Variants in CHST11 observed in about 807,000 individuals in gnomAD.
CHST11 encodes the protein carbohydrate sulfotransferase 11.
A neutral mutation model predicts 30.4 loss-of-function variants in CHST11; 9 were observed. The observed-to-expected ratio is 0.30, with a 90% CI of 0.18 to 0.52. CHST11 has a LOEUF of 0.52. Ranked by LOEUF, CHST11 falls within the 20% of genes least tolerant of loss-of-function variation. The pLI, the probability that CHST11 is intolerant of heterozygous loss-of-function variation, is 0.97. For missense variants in CHST11, 348 were observed against 460.6 expected (o/e 0.76, Z 2.24); for synonymous variants, 152 against 187.8 (o/e 0.81, Z 1.56).
chr12:104,653,397 A>G (rs2039512657), intron 2 of CHST11, among the ~76,000 whole-genome samples: 1 of 152,200 alleles, frequency 6.6e-6, no homozygotes, highest in Admixed American at 6.5e-5. Flanking sequence ...ATCTGTTCAT[A>G]GACATTTGGC....
In CHST11 at chr12:104,729,850, C is replaced by T. The variant is rs1285590607; in HGVS notation, c.205-27099C>T. On this transcript the variant is annotated intron_variant, in intron 2 of 2. Transcript: ENST00000303694. The surrounding 1 kb of genome is among the most constrained non-coding windows in gnomAD (Gnocchi z 4.0). ...ACAGGCCATCTGGATGGGGGAGCCC[C>T]TGGTGAGCAAGGTCCACCAGGTGGG... 6.6e-6 allele frequency among the ~76,000 whole-genome samples: 1 copy of T among 152,166 alleles called. No homozygotes were observed. The highest frequency in any genetic ancestry group is 1.5e-5 in the Non-Finnish European group (1 of 68,038).
At chr12:104,694,127 A>C (rs966516119) in intron 2 of CHST11, among the ~76,000 whole-genome samples, 1 of 152,148 alleles carries the variant, frequency 6.6e-6, no homozygotes, top group Non-Finnish European at 1.5e-5. Flanking sequence ...TGGCATATCT[A>C]TTCATCAGAA....
chr12:104,720,322 G>C (rs1447591444), intron 2 of CHST11, among the ~76,000 whole-genome samples: 3 of 152,364 alleles, frequency 2.0e-5, no homozygotes, highest in East Asian at 1.9e-4. Flanking sequence ...AACTGGAATT[G>C]AGGAAGGCCG....
intron 2 of CHST11, among the ~76,000 whole-genome samples, chr12:104,621,320 C>T (rs1174449524): frequency 1.3e-5 from 2 of 152,228 alleles, no homozygotes; most frequent in African/African-American, 4.8e-5. Flanking sequence ...CTGCAGACAT[C>T]CTGTCTTTCT....
chr12:104,611,087 T>C (rs947186317), intron 2 of CHST11, among the ~76,000 whole-genome samples: 1 of 152,154 alleles, frequency 6.6e-6, no homozygotes, highest in Non-Finnish European at 1.5e-5. Context: ...ACTAGCAATA[T>C]AATATAAGTC....
At chr12:104,746,318 A>C (rs1193808814) in intron 2 of CHST11, among the ~76,000 whole-genome samples, 1 of 152,118 alleles carries the variant, frequency 6.6e-6, no homozygotes, top group Non-Finnish European at 1.5e-5. Context: ...CCTACAAAAG[A>C]AGTACTTTAA....
intron 2 of CHST11, among the ~76,000 whole-genome samples, chr12:104,663,346 A>G (rs1000928390): frequency 5.3e-5 from 8 of 152,080 alleles, no homozygotes; most frequent in Non-Finnish European, 1.2e-4. Context: ...TTTTTTTTGT[A>G]GGTATGAGAC....
At chr12:104,704,916 C>G (rs2040019890) in intron 2 of CHST11, among the ~76,000 whole-genome samples, 1 of 152,150 alleles carries the variant, frequency 6.6e-6, no homozygotes, top group Non-Finnish European at 1.5e-5. Flanking sequence ...CAGCTTCAAT[C>G]TCAGGGGACT....
intron 2 of CHST11, among the ~76,000 whole-genome samples, chr12:104,734,317 G>A (rs182587): frequency 0.61 from 92,825 of 152,106 alleles, 29,154 homozygotes; most frequent in East Asian, 0.99. Flanking sequence ...CAGAAAGATG[G>A]TTGGCCTCAG....
chr12:104,520,256 G>T (rs1565972890), intron 1 of CHST11, among the ~76,000 whole-genome samples: 4 of 152,174 alleles, frequency 2.6e-5, no homozygotes, highest in Non-Finnish European at 4.4e-5. Context: ...AATGGCACCT[G>T]CTCTGCTCAT....
intron 1 of CHST11, among the ~76,000 whole-genome samples, chr12:104,557,921 A>G (rs976005868): frequency 6.6e-6 from 1 of 152,018 alleles, no homozygotes; most frequent in Non-Finnish European, 1.5e-5. Context: ...AAGGAAGTAT[A>G]GAGGCAGGAA....
chr12:104,501,777 C>T (rs975020664), intron 1 of CHST11, among the ~76,000 whole-genome samples: 1 of 152,212 alleles, frequency 6.6e-6, no homozygotes, highest in African/African-American at 2.4e-5. Context: ...GTCAGCCTCT[C>T]TCTAGCCAGG....
At chr12:104,647,895 C>T (rs991917542) in intron 2 of CHST11, among the ~76,000 whole-genome samples, 6 of 152,170 alleles carry the variant, frequency 3.9e-5, no homozygotes, top group African/African-American at 1.4e-4. Context: ...CGTACTTTTC[C>T]ACGTGGCCTT....
intron 2 of CHST11, among the ~76,000 whole-genome samples, chr12:104,626,812 C>T (rs1172530006): frequency 6.6e-6 from 1 of 152,060 alleles, no homozygotes; most frequent in African/African-American, 2.4e-5. Flanking sequence ...CAGCATCCTC[C>T]ACTGAAGTGG....
At chr12:104,653,422 G>A (rs77004291) in intron 2 of CHST11, among the ~76,000 whole-genome samples, 9,002 of 152,252 alleles carry the variant, frequency 0.059, 332 homozygotes, top group Non-Finnish European at 0.081. Context: ...TTCCACCAGA[G>A]TTTACCCTTC....
chr12:104,521,775 A>G (rs565881599), intron 1 of CHST11, among the ~76,000 whole-genome samples: 5 of 151,706 alleles, frequency 3.3e-5, no homozygotes, highest in African/African-American at 1.2e-4. Flanking sequence ...ATTTGAGTCT[A>G]CTCCACTGTT....
chr12:104,555,355 A>G (rs1048728498), intron 1 of CHST11, among the ~76,000 whole-genome samples: 4 of 152,138 alleles, frequency 2.6e-5, no homozygotes, highest in African/African-American at 9.7e-5. Flanking sequence ...GGGGAAATAT[A>G]TTTTTGTAAT....
intron 1 of CHST11, among the ~76,000 whole-genome samples, chr12:104,549,236 G>C (rs1405738972): frequency 6.6e-6 from 1 of 152,160 alleles, no homozygotes; most frequent in Non-Finnish European, 1.5e-5. Context: ...AGAGTGAGGT[G>C]GTGGGCATGT....
intron 1 of CHST11, among the ~76,000 whole-genome samples, chr12:104,477,859 C>G (rs530693106): frequency 2.0e-5 from 3 of 152,190 alleles, no homozygotes; most frequent in Admixed American, 2.0e-4. Context: ...TGGAAAGACA[C>G]AATGATAGCT....
Sources: allele counts gnomAD v4.1 joint callset (sites outside exome capture counted in the v4.1 genomes callset), GRCh38; gene constraint gnomAD v4.1.1; non-coding constraint Gnocchi (gnomAD v3.1); transcripts MANE v1.5; gene names NCBI Gene and HGNC (gene_info 2026-07-23, HGNC 2026-07-21).